Variants in PDZRN4 observed in about 807,000 individuals in gnomAD.
The protein encoded by PDZRN4 is PDZ domain containing ring finger 4.
Under a neutral mutation model 99.0 loss-of-function variants are expected in PDZRN4, and 70 were observed. The observed-to-expected ratio is 0.71, with a 90% confidence interval of 0.58 to 0.86. The LOEUF is 0.86. Among genes scored for constraint, PDZRN4 ranks in the 40% least tolerant of loss-of-function variants. The probability of loss-of-function intolerance (pLI) is 0.00; values close to 1 mark genes in which losing one functional copy is unlikely to be tolerated. For synonymous variants in PDZRN4, 551 were observed against 501.6 expected, an observed-to-expected ratio of 1.10 and a Z score of -1.32; for missense variants, 1,474 against 1,331.2, an observed-to-expected ratio of 1.11 and a Z score of -1.67.
At position 41,504,200 on chromosome 12, in the gene PDZRN4, G is replaced by A. The variant is rs147696638; in HGVS notation, c.844-2256G>A. On this transcript the variant is annotated intron_variant, in intron 3 of 9. Coordinates refer to ENST00000402685, the MANE Select transcript of PDZRN4 (RefSeq NM_001164595.2). ...AGGAGAATCATTGAACCTGGGAGGC[G>A]GAGGTTATGGTGAGCTGAGATCACG... Among the ~76,000 whole-genome samples, 797 of 152,204 alleles carry A rather than the reference G, an allele frequency of 5.2e-3. 9 individuals carry two copies. Among genetic ancestry groups the A allele is most frequent in the African/African-American group, 0.018 (753 of 41,526 alleles).
intron 3 of PDZRN4, among the ~76,000 whole-genome samples, chr12:41,296,557 C>A (rs1209439642): frequency 6.6e-6 from 1 of 152,150 alleles, no homozygotes; most frequent in Non-Finnish European, 1.5e-5. Context: ...CTGCTCATTG[C>A]TTTCATCAAC....
At chr12:41,258,230 T>C (rs1951216049) in intron 3 of PDZRN4, among the ~76,000 whole-genome samples, 2 of 152,240 alleles carry the variant, frequency 1.3e-5, no homozygotes, top group African/African-American at 4.8e-5. Context: ...ATTTTATGTT[T>C]CTATTTTTTC....
At chr12:41,322,266 A>G (rs890492356) in intron 3 of PDZRN4, among the ~76,000 whole-genome samples, 4 of 151,808 alleles carry the variant, frequency 2.6e-5, no homozygotes, top group Non-Finnish European at 1.5e-5. Context: ...CCTGACCTCA[A>G]TCCGTCCACC....
At chr12:41,316,501 A>G (rs1328509411) in intron 3 of PDZRN4, among the ~76,000 whole-genome samples, 1 of 141,480 alleles carries the variant, frequency 7.1e-6, no homozygotes, top group Non-Finnish European at 1.6e-5. Flanking sequence ...TGTGTATAAA[A>G]TAAAAACTGT....
At chr12:41,374,814 T>C (rs1256484922) in intron 3 of PDZRN4, among the ~76,000 whole-genome samples, 2 of 152,198 alleles carry the variant, frequency 1.3e-5, no homozygotes, top group Non-Finnish European at 2.9e-5. Flanking sequence ...ACTACTCTCT[T>C]AAAGAGGTGA....
At chr12:41,349,222 T>A (rs117081701) in intron 3 of PDZRN4, among the ~76,000 whole-genome samples, 3,356 of 152,012 alleles carry the variant, frequency 0.022, 80 homozygotes, top group Admixed American at 0.044. Context: ...TGAGAACCAC[T>A]GTTGTAGATT....
At chr12:41,191,772 A>G (rs200675101) in intron 2 of PDZRN4, among the ~76,000 whole-genome samples, 4 of 18,686 alleles carry the variant, frequency 2.1e-4, no homozygotes, top group East Asian at 1.6e-3. Flanking sequence ...TTATTTATTT[A>G]TTTATTTATT....
chr12:41,271,524 A>T (rs1271314743), intron 3 of PDZRN4, among the ~76,000 whole-genome samples: 1 of 152,120 alleles, frequency 6.6e-6, no homozygotes, highest in Non-Finnish European at 1.5e-5. Flanking sequence ...AACCACCTTG[A>T]ATCTTGCCAA....
At chr12:41,292,358 G>A (rs1052007782) in intron 3 of PDZRN4, among the ~76,000 whole-genome samples, 1 of 152,168 alleles carries the variant, frequency 6.6e-6, no homozygotes, top group Non-Finnish European at 1.5e-5. Context: ...CATGTTGCTG[G>A]AGAGCACATG....
intron 3 of PDZRN4, among the ~76,000 whole-genome samples, chr12:41,363,919 A>G (rs1951979548): frequency 6.6e-6 from 1 of 152,128 alleles, no homozygotes; most frequent in Admixed American, 6.6e-5. Flanking sequence ...TCTTCAACTT[A>G]GCAGTTTAAA....
chr12:41,502,141 C>T (rs184398031), intron 3 of PDZRN4, among the ~76,000 whole-genome samples: 170 of 152,138 alleles, frequency 1.1e-3, no homozygotes, highest in Non-Finnish European at 1.9e-3. Context: ...TATCTCAAGT[C>T]CAGTGGCTAA....
At chr12:41,189,253 C>A in intron 1 of PDZRN4, 150 bp downstream of exon 1, 2 of 692,286 alleles carry the variant, frequency 2.9e-6, no homozygotes, top group Non-Finnish European at 4.7e-6. Flanking sequence ...ACTTTCCTGT[C>A]ATTATCTTAC....
At chr12:41,562,212 A>T (rs1262473003) in intron 7 of PDZRN4, among the ~76,000 whole-genome samples, 2 of 152,094 alleles carry the variant, frequency 1.3e-5, no homozygotes, top group South Asian at 2.1e-4. Flanking sequence ...ATATATATAT[A>T]TTTTTACTAT....
intron 3 of PDZRN4, among the ~76,000 whole-genome samples, chr12:41,211,185 C>T (rs1950886007): frequency 6.6e-6 from 1 of 151,860 alleles, no homozygotes; most frequent in African/African-American, 2.4e-5. Context: ...TATATAATTA[C>T]CTTATTGAAA....
At chr12:41,457,856 A>G (rs941058870) in intron 3 of PDZRN4, among the ~76,000 whole-genome samples, 13 of 152,232 alleles carry the variant, frequency 8.5e-5, no homozygotes, top group Admixed American at 7.8e-4. Context: ...TTCTAGGTGC[A>G]AGGCATTGCA....
chr12:41,247,072 A>G (rs938807372), intron 3 of PDZRN4, among the ~76,000 whole-genome samples: 1 of 152,006 alleles, frequency 6.6e-6, no homozygotes, highest in African/African-American at 2.4e-5. Flanking sequence ...CTTCTCTGCT[A>G]GGCACTATGA....
At chr12:41,235,390 T>A (rs919790069) in intron 3 of PDZRN4, among the ~76,000 whole-genome samples, 1 of 152,168 alleles carries the variant, frequency 6.6e-6, no homozygotes, top group African/African-American at 2.4e-5. Flanking sequence ...TTTTCAATAT[T>A]ATAGTTTTTC....
chr12:41,216,207 A>G (rs1950919939), intron 3 of PDZRN4, among the ~76,000 whole-genome samples: 1 of 152,048 alleles, frequency 6.6e-6, no homozygotes, highest in South Asian at 2.1e-4. Flanking sequence ...TCTGGACATT[A>G]TAGAGAAATA....
At chr12:41,212,831 G>A (rs928150245) in intron 3 of PDZRN4, among the ~76,000 whole-genome samples, 1 of 152,000 alleles carries the variant, frequency 6.6e-6, no homozygotes, top group East Asian at 1.9e-4. Context: ...TGTTAGCTAG[G>A]CAAGGATTTG....
Sources: gnomAD v4.1 joint callset for allele counts (sites outside exome capture counted in the v4.1 genomes callset) on GRCh38, gnomAD v4.1.1 for gene constraint, MANE v1.5 for transcripts, NCBI Gene and HGNC (gene_info 2026-07-23, HGNC 2026-07-21) for gene names.